MBTPS1: variants seen among roughly 807,000 people sequenced by gnomAD.
MBTPS1 encodes membrane-bound transcription factor site-1 protease.
In MBTPS1, 94 loss-of-function variants were observed where a neutral mutation model predicts 127.8. That is an observed-to-expected ratio of 0.74 (90% confidence interval 0.62 to 0.87). The LOEUF (loss-of-function observed/expected upper bound fraction) is 0.87, where lower values mean the gene tolerates loss of function less well. MBTPS1 is among the 40% of genes least tolerant of loss of function. The pLI, the probability that MBTPS1 is intolerant of heterozygous loss-of-function variation, is 0.00. For missense variants in MBTPS1, 1,636 were observed against 1,353.2 expected (o/e 1.21, Z -3.28); for synonymous variants, 632 against 509.4 (o/e 1.24, Z -3.24).
intron 3 of MBTPS1, among the ~76,000 whole-genome samples, chr16:84,097,244 A>G (rs2086189877): frequency 6.6e-6 from 1 of 152,248 alleles, no homozygotes; most frequent in Admixed American, 6.5e-5. Flanking sequence ...AAAACCTTCT[A>G]CGAGTAACAG....
intron 22 of MBTPS1, among the ~76,000 whole-genome samples, chr16:84,055,513 C>T (rs1317136239): frequency 6.6e-6 from 1 of 152,174 alleles, no homozygotes; most frequent in Non-Finnish European, 1.5e-5. Flanking sequence ...CCTGGAGAGA[C>T]AGACAGGATG....
intron 11 of MBTPS1, among the ~76,000 whole-genome samples, chr16:84,081,284 A>G (rs1433641938): frequency 6.6e-6 from 1 of 152,262 alleles, no homozygotes; most frequent in Non-Finnish European, 1.5e-5. Flanking sequence ...GCCGGACGGG[A>G]GTACCACAGG....
chr16:84,073,140 T>C (rs1036307984), intron 12 of MBTPS1, among the ~76,000 whole-genome samples: 2 of 152,294 alleles, frequency 1.3e-5, no homozygotes, highest in African/African-American at 4.8e-5. Flanking sequence ...AGTTGAATTT[T>C]TCTTTTCTTT....
intron 11 of MBTPS1, among the ~76,000 whole-genome samples, chr16:84,080,738 G>A (rs762769371): frequency 6.6e-6 from 1 of 152,220 alleles, no homozygotes; most frequent in African/African-American, 2.4e-5. Context: ...AGGCCTGTGC[G>A]AGCCTCTTCC....
chr16:84,104,368 G>C (rs978864421), intron 1 of MBTPS1, among the ~76,000 whole-genome samples: 2 of 152,028 alleles, frequency 1.3e-5, no homozygotes, highest in Admixed American at 6.6e-5. Flanking sequence ...TATAGTCCCA[G>C]CTACTCAGGA....
chr16:84,068,688 A>C (rs2085726558), intron 14 of MBTPS1, among the ~76,000 whole-genome samples: 3 of 152,234 alleles, frequency 2.0e-5, no homozygotes. Flanking sequence ...GAAAGAGACA[A>C]AATGACCAGA....
intron 19 of MBTPS1, among the ~76,000 whole-genome samples, chr16:84,062,247 A>G (rs866462808): frequency 2.0e-5 from 3 of 152,016 alleles, no homozygotes; most frequent in African/African-American, 4.8e-5. Flanking sequence ...CAGCCTCCCA[A>G]GCAGCTGGGA....
intron 13 of MBTPS1, 90 bp downstream of exon 13, chr16:84,070,498 C>T: frequency 3.0e-6 from 4 of 1,322,396 alleles, no homozygotes; most frequent in African/African-American, 1.5e-5. Context: ...ACTGTACTTC[C>T]AATGGAGACC....
chr16:84,104,569 G>A (rs1305086992), intron 1 of MBTPS1, among the ~76,000 whole-genome samples: 5 of 152,148 alleles, frequency 3.3e-5, no homozygotes, highest in African/African-American at 7.2e-5. Context: ...ATATAATTAA[G>A]TAATAGTACT....
rs147662017 is a variant in MBTPS1, at chr16:84,068,931, C to A, written c.1956-477G>T. 2.4e-4 allele frequency among the ~76,000 whole-genome samples: 36 copies of A among 152,316 alleles called. No individual in the cohort carries two copies. The East Asian group carries it at 6.8e-3, about 29-fold the overall frequency. On this transcript the variant is annotated intron_variant, in intron 14 of 22. Coordinates refer to ENST00000343411, the MANE Select transcript of MBTPS1 (RefSeq NM_003791.4). ...TCCCCGTCCCTCCCAAATGAGCTCA[C>A]TTTCCTATGGGACACTGTATACACC...
At chr16:84,086,630 G>A (rs1000068018) in intron 9 of MBTPS1, 4 of 152,238 alleles carry the variant, frequency 2.6e-5, no homozygotes, top group African/African-American at 9.7e-5. Flanking sequence ...AGTGTTCCCA[G>A]GCAGTTGGGA....
chr16:84,099,953 TCA>T lies in MBTPS1; in HGVS notation c.164-645_164-644del, dbSNP rs2086231521. ...AAAAGAAATTCAGAGAACTGAATGC[TCA>T]GTTAGTGTTTCTTAAAACGAAAACA... On this transcript the variant is annotated intron_variant, in intron 2 of 22. Transcript: ENST00000343411. Among the ~76,000 whole-genome samples, 6 of 152,344 alleles carry T rather than the reference TCA, an allele frequency of 3.9e-5. No individual in the cohort carries two copies. The South Asian group carries it at 1.2e-3, about 32-fold the overall frequency.
chr16:84,075,272 G>T (rs2085837310), intron 11 of MBTPS1: 1 of 140,962 alleles, frequency 7.1e-6, no homozygotes, highest in Non-Finnish European at 1.5e-5. Flanking sequence ...TCTTAGCTGG[G>T]AGTATGACCA....
At position 84,087,374 on chromosome 16, in the gene MBTPS1, C is replaced by T; in HGVS notation, c.1118G>A (p.Arg373Lys). The change falls in exon 9 of 23, where the codon AGG becomes AAG. Residue 373 changes from arginine (R) to lysine (K), a missense_variant. By Grantham distance (26) the Arg-to-Lys change is conservative. Coordinates refer to ENST00000343411, the MANE Select transcript of MBTPS1 (RefSeq NM_003791.4). ...FEDNIARFSS[R>K]GMTTWELPGG... ...AGAGCGTACCCAGGTAGTCATTCCC[C>T]TTGAAGAAAAGCGGGCGATGTTATC... 1 of 1,612,882 alleles carries T rather than the reference C, an allele frequency of 6.2e-7. No individual in the cohort carries two copies. Among genetic ancestry groups the T allele is most frequent in the Non-Finnish European group, 8.5e-7 (1 of 1,179,364 alleles).
chr16:84,101,875 C>G lies in MBTPS1; in HGVS notation c.-92G>C. ...AGTGAATTTTTGTTTCAGCTAAAAG[C>G]TGCAACATTACTAATCAGCCATCTT... On this transcript the variant is annotated 5_prime_UTR_variant, in exon 2 of 23. Transcript: ENST00000343411. The G allele has an allele frequency of 8.1e-6, 10 of 1,234,312 alleles. No homozygotes were observed. Among genetic ancestry groups the G allele is most frequent in the Non-Finnish European group, 1.2e-5 (10 of 861,146 alleles). The allele number at this position is 1,234,312 out of a possible 1,614,324, so 76.5% of individuals were successfully genotyped here. A position where few individuals can be genotyped will look rare whatever the true frequency, so the allele number is the denominator to read the frequency against.
chr16:84,077,447 T>C (rs1410961811), intron 11 of MBTPS1, among the ~76,000 whole-genome samples: 3 of 152,078 alleles, frequency 2.0e-5, no homozygotes, highest in Non-Finnish European at 2.9e-5. Flanking sequence ...ATAATACATA[T>C]GAAAACTTAG....
At chr16:84,077,252 AG>A (rs1317497444) in intron 11 of MBTPS1, among the ~76,000 whole-genome samples, 6 of 146,532 alleles carry the variant, frequency 4.1e-5, no homozygotes, top group Non-Finnish European at 6.0e-5. Context: ...AAAAAAAAAG[AG>A]AGAGAGAAAA....
Position 84,065,751 on chromosome 16 carries a change from C to A in MBTPS1, c.2370G>T (p.Gly790=), listed in dbSNP as rs747895136. The A allele has an allele frequency of 8.1e-6, 13 of 1,605,632 alleles. No homozygotes were observed. The highest frequency in any genetic ancestry group is 1.1e-5 in the Non-Finnish European group (13 of 1,176,976). ...CTTCTGGAAACTTCGCGATGCTGCACCCTGACGCATAATACACTAGGAAAG... is the reference window on the plus strand; with the variant it reads ...CTTCTGGAAACTTCGCGATGCTGCAACCTGACGCATAATACACTAGGAAAG... ...LANHDMYYAS[G]CSIAKFPEDG... Residue 790 remains glycine, a synonymous_variant, in exon 18 of 23, where the codon GGG becomes GGT. Transcript: ENST00000343411.
intron 20 of MBTPS1, 67 bp downstream of exon 20, chr16:84,060,615 G>C: frequency 1.3e-6 from 2 of 1,559,910 alleles, no homozygotes; most frequent in East Asian, 2.3e-5. Context: ...CACAGCCACT[G>C]GCTGAAGTAG....
Sources: allele counts gnomAD v4.1 joint callset (sites outside exome capture counted in the v4.1 genomes callset), GRCh38; gene constraint gnomAD v4.1.1; transcripts MANE v1.5; gene names NCBI Gene and HGNC (gene_info 2026-07-23, HGNC 2026-07-21).